NEDD9: variants seen among roughly 807,000 people sequenced by gnomAD.
NEDD9 encodes enhancer of filamentation 1.
NEDD9 carries 26 observed loss-of-function variants against 76.6 expected under a neutral mutation model. The ratio of observed to expected loss-of-function variants is 0.34; its 90% confidence interval spans 0.25 to 0.47. NEDD9 has a LOEUF of 0.47. Among genes scored for constraint, NEDD9 ranks in the 20% least tolerant of loss-of-function variants. NEDD9 has a pLI of 1.00. For missense variants in NEDD9, 937 were observed against 1,058.5 expected, an observed-to-expected ratio of 0.89 and a Z score of 1.59; for synonymous variants, 392 against 414.2, an observed-to-expected ratio of 0.95 and a Z score of 0.65.
At position 11,232,581 on chromosome 6, in the gene NEDD9, C is replaced by T; in HGVS notation, c.-66G>A. On this transcript the variant is annotated 5_prime_UTR_variant, in exon 1 of 7. Transcript: ENST00000379446. ...AGACAGCATTAAGCACTGCGGTGCC[C>T]GCCCCTCCATTGAGTGCAGCGCTAG... is the stretch of plus-strand genomic sequence containing the variant. 1 of 1,613,330 alleles carries T rather than the reference C, an allele frequency of 6.2e-7. No homozygotes were observed. Among genetic ancestry groups the T allele is most frequent in the East Asian group, 2.2e-5 (1 of 44,882 alleles).
intron 1 of NEDD9, among the ~76,000 whole-genome samples, chr6:11,361,204 G>A (rs1762674927): frequency 6.6e-6 from 1 of 152,132 alleles, no homozygotes; most frequent in South Asian, 2.1e-4. Context: ...AGAGTTGTAG[G>A]GATGGGGGCT....
chr6:11,204,005 G>A (rs190698481), intron 2 of NEDD9, among the ~76,000 whole-genome samples: 81 of 151,676 alleles, frequency 5.3e-4, no homozygotes, highest in Middle Eastern at 6.8e-3. Flanking sequence ...ATGTCAGGCC[G>A]TTTTTATTAA....
intron 1 of NEDD9, 23 bp downstream of exon 1, chr6:11,232,481 A>G (rs772383305): frequency 6.2e-7 from 1 of 1,614,212 alleles, no homozygotes; most frequent in Non-Finnish European, 8.5e-7. Flanking sequence ...TTGCAAGGTA[A>G]CCTGTAAAAG....
chr6:11,218,632 A>C (rs2113767507), intron 1 of NEDD9, among the ~76,000 whole-genome samples: 1 of 152,342 alleles, frequency 6.6e-6, no homozygotes, highest in Non-Finnish European at 1.5e-5. Context: ...ATGTTTGCTA[A>C]GTTGAAATGG....
At chr6:11,246,989 C>G (rs528767269) in intron 3 of NEDD9, among the ~76,000 whole-genome samples, 1 of 152,270 alleles carries the variant, frequency 6.6e-6, no homozygotes, top group South Asian at 2.1e-4. Context: ...TGTGAAGGGA[C>G]ACTCTAATGT....
intron 1 of NEDD9, among the ~76,000 whole-genome samples, chr6:11,349,757 T>C (rs1762429403): frequency 6.6e-6 from 1 of 152,036 alleles, no homozygotes; most frequent in African/African-American, 2.4e-5. Context: ...CAACACACAC[T>C]GGGAACTAAC....
At chr6:11,335,551 G>C (rs1041511447) in intron 1 of NEDD9, among the ~76,000 whole-genome samples, 5 of 152,172 alleles carry the variant, frequency 3.3e-5, no homozygotes, top group Non-Finnish European at 5.9e-5. Context: ...GGGCTACAAA[G>C]TTTTGCCTCA....
At position 11,363,888 on chromosome 6, in the gene NEDD9, G is replaced by GAT. The variant is rs147689903; in HGVS notation, c.-214+18249_-214+18250dup. On this transcript the variant is annotated intron_variant, in intron 1 of 3. Coordinates refer to the NEDD9 transcript ENST00000397378. Reference sequence around the variant, plus strand: ...AAATTAGGCACTGTTGTAAGCAACAGATATATATATTACCTTATGTAATCT... The same window carrying GAT: ...AAATTAGGCACTGTTGTAAGCAACAGATATATATATATTACCTTATGTAATCT... Among the ~76,000 whole-genome samples, 957 of 152,156 alleles carry GAT rather than the reference G, an allele frequency of 6.3e-3. 26 individuals are homozygous for GAT. The East Asian group carries it at 0.072, about 11-fold the overall frequency.
intron 3 of NEDD9, among the ~76,000 whole-genome samples, chr6:11,268,248 G>T (rs1760237189): frequency 6.6e-6 from 1 of 151,872 alleles, no homozygotes; most frequent in Non-Finnish European, 1.5e-5. Flanking sequence ...TACCTAGGCT[G>T]GTCTCAAATT....
rs189546312 is a variant in NEDD9, at chr6:11,360,980, G to A, written c.-214+21159C>T. On this transcript the variant is annotated intron_variant, in intron 1 of 3. Coordinates refer to the NEDD9 transcript ENST00000397378. Reference sequence around the variant, plus strand: ...CAAAGTAAAACTAATGTATCAGCTTGTTTGTGTGTATGACTGTGAGCGTAC... The same window carrying A: ...CAAAGTAAAACTAATGTATCAGCTTATTTGTGTGTATGACTGTGAGCGTAC... 1.4e-3 allele frequency among the ~76,000 whole-genome samples: 209 copies of A among 152,322 alleles called. 2 individuals are homozygous for A. Among genetic ancestry groups the A allele is most frequent in the African/African-American group, 5.0e-3 (206 of 41,580 alleles).
At position 11,365,544 on chromosome 6, in the gene NEDD9, G is replaced by A. The variant is rs577709671; in HGVS notation, c.-214+16595C>T. On this transcript the variant is annotated intron_variant, in intron 1 of 3. Coordinates refer to the NEDD9 transcript ENST00000397378. ...AGATTAAAAGGTGAATAGCAGAAGA[G>A]TGGTGGCTTGGAGTTACATTAATTG... Among the ~76,000 whole-genome samples the A allele has an allele frequency of 7.2e-5, 11 of 152,338 alleles. No homozygotes were observed. The East Asian group carries it at 1.9e-3, about 27-fold the overall frequency.
chr6:11,247,895 T>A (rs1448430186), intron 3 of NEDD9, among the ~76,000 whole-genome samples: 1 of 152,214 alleles, frequency 6.6e-6, no homozygotes, highest in East Asian at 1.9e-4. Flanking sequence ...AGAAGGCTTT[T>A]AGAAAGAAAG....
At chr6:11,306,758 T>C (rs779537149) in intron 2 of NEDD9, among the ~76,000 whole-genome samples, 2 of 152,222 alleles carry the variant, frequency 1.3e-5, no homozygotes, top group Admixed American at 1.3e-4. Context: ...GCCATATGCT[T>C]TTCTTGTTTC....
At chr6:11,298,459 G>A (rs1354607541) in intron 3 of NEDD9, among the ~76,000 whole-genome samples, 2 of 152,156 alleles carry the variant, frequency 1.3e-5, no homozygotes, top group Admixed American at 1.3e-4. Flanking sequence ...TGGTTTTTAG[G>A]TTTAGAATTC....
rs1758816203 is a variant in NEDD9 at position 11,212,619 on chromosome 6, C to T, written c.459+662G>A. On this transcript the variant is annotated intron_variant, in intron 2 of 6. Transcript: ENST00000379446. ...CCACACTGTATTTTTAAATTAATTC[C>T]TTCCTAAATATCCAAGCTCCACTGT... Among the ~76,000 whole-genome samples, 2 of 152,176 alleles carry T rather than the reference C, an allele frequency of 1.3e-5. 1 individual carries two copies. Among genetic ancestry groups the T allele is most frequent in the South Asian group, 4.1e-4 (2 of 4,832 alleles).
upstream of NEDD9, among the ~76,000 whole-genome samples, chr6:11,237,288 C>G (rs1233659906): frequency 6.6e-6 from 1 of 152,170 alleles, no homozygotes; most frequent in African/African-American, 2.4e-5. This position sits in a 1 kb window ranked among gnomAD's most constrained non-coding sequence, Gnocchi z 4.9. Flanking sequence ...TCATCTGTGT[C>G]CCCTGTCCTG....
At chr6:11,301,205 G>A (rs959856931) in intron 3 of NEDD9, among the ~76,000 whole-genome samples, 4 of 152,086 alleles carry the variant, frequency 2.6e-5, no homozygotes, top group Non-Finnish European at 4.4e-5. Flanking sequence ...AAAAAAAGCA[G>A]GGGTTACAAT....
At chr6:11,218,665 T>C (rs1363348086) in intron 1 of NEDD9, among the ~76,000 whole-genome samples, 2 of 152,178 alleles carry the variant, frequency 1.3e-5, no homozygotes. Context: ...GATTTCCTCA[T>C]TGTCTGCAGG....
chr6:11,270,913 A>G (rs927561481), intron 3 of NEDD9, among the ~76,000 whole-genome samples: 7 of 152,224 alleles, frequency 4.6e-5, no homozygotes, highest in South Asian at 2.1e-4. Flanking sequence ...GAGGAGTTAG[A>G]TGACTGGAGA....
Sources: allele counts gnomAD v4.1 joint callset (sites outside exome capture counted in the v4.1 genomes callset), GRCh38; gene constraint gnomAD v4.1.1; non-coding constraint Gnocchi (gnomAD v3.1); transcripts MANE v1.5; gene names NCBI Gene and HGNC (gene_info 2026-07-23, HGNC 2026-07-21).